Variants in SH2D4A observed in about 807,000 individuals in gnomAD.
SH2D4A encodes the protein SH2 domain containing 4A.
A neutral mutation model predicts 64.7 loss-of-function variants in SH2D4A; 70 were observed. The ratio of observed to expected loss-of-function variants is 1.08; its 90% CI spans 0.89 to 1.32. The LOEUF is 1.32. Among genes scored for constraint, SH2D4A ranks in the 40% most tolerant of loss-of-function variants. The probability of loss-of-function intolerance (pLI) is 0.00; values close to 1 mark genes in which losing one functional copy is unlikely to be tolerated. For missense variants in SH2D4A, 706 were observed against 540.1 expected (o/e 1.31, Z -3.04); for synonymous variants, 268 against 200.7 (o/e 1.34, Z -2.83).
chr8:19,350,602 G>T (rs2052686559), intron 4 of SH2D4A, among the ~76,000 whole-genome samples: 1 of 152,114 alleles, frequency 6.6e-6, no homozygotes, highest in South Asian at 2.1e-4. Flanking sequence ...TCCCACCCTC[G>T]CCTCCCGAGT....
chr8:19,349,833 A>C (rs1227873920), intron 4 of SH2D4A, among the ~76,000 whole-genome samples: 1 of 152,184 alleles, frequency 6.6e-6, no homozygotes, highest in African/African-American at 2.4e-5. Context: ...CCTCCTGAGT[A>C]GCTGGGATTA....
chr8:19,352,672 G>C (rs1046643976), intron 4 of SH2D4A, among the ~76,000 whole-genome samples: 1 of 152,164 alleles, frequency 6.6e-6, no homozygotes, highest in African/African-American at 2.4e-5. Context: ...TTCAGACGTG[G>C]AGATGACATG....
intron 8 of SH2D4A, among the ~76,000 whole-genome samples, chr8:19,382,504 A>G (rs938133688): frequency 1.3e-5 from 2 of 152,190 alleles, no homozygotes; most frequent in Admixed American, 1.3e-4. Flanking sequence ...TTCAACGCTT[A>G]TAAAATAGTC....
chr8:19,361,336 T>C (rs1044742322), intron 6 of SH2D4A, 22 bp downstream of exon 6: 1 of 1,579,450 alleles, frequency 6.3e-7, no homozygotes, highest in Admixed American at 2.0e-5. Flanking sequence ...GAGGTCTCCA[T>C]AGCACCTTCC....
intron 4 of SH2D4A, among the ~76,000 whole-genome samples, chr8:19,340,129 G>T (rs1444037559): frequency 6.6e-6 from 1 of 152,204 alleles, no homozygotes; most frequent in Admixed American, 6.5e-5. Flanking sequence ...AGTTCCAGCT[G>T]AGGAACAGTG....
intron 7 of SH2D4A, 84 bp downstream of exon 7, chr8:19,364,366 G>C: frequency 6.7e-7 from 1 of 1,482,812 alleles, no homozygotes; most frequent in Non-Finnish European, 9.2e-7. Context: ...AATTGTATGA[G>C]CTGCCATGGG....
At chr8:19,366,976 A>G (rs1275164648) in intron 7 of SH2D4A, among the ~76,000 whole-genome samples, 1 of 152,158 alleles carries the variant, frequency 6.6e-6, no homozygotes, top group East Asian at 1.9e-4. Flanking sequence ...GAGGAACTTC[A>G]TACCGTTGTT....
At chr8:19,348,247 T>A (rs546573648) in intron 4 of SH2D4A, among the ~76,000 whole-genome samples, 3 of 152,124 alleles carry the variant, frequency 2.0e-5, no homozygotes, top group African/African-American at 7.2e-5. Flanking sequence ...AGATGCATGC[T>A]CCCATGCCCA....
chr8:19,373,442 G>A, intron 7 of SH2D4A, 88 bp from the exon 8 acceptor site: 1 of 796,352 alleles, frequency 1.3e-6, no homozygotes, highest in Non-Finnish European at 1.7e-6. Context: ...GTATGTGTGT[G>A]TGTATATATA....
chr8:19,358,382 A>G (rs1347273043), intron 5 of SH2D4A, among the ~76,000 whole-genome samples: 2 of 152,162 alleles, frequency 1.3e-5, no homozygotes, highest in African/African-American at 4.8e-5. Context: ...ACAGGTAATC[A>G]CTTATTAAGC....
At chr8:19,392,424 T>C (rs2053507478) in intron 8 of SH2D4A, among the ~76,000 whole-genome samples, 1 of 152,114 alleles carries the variant, frequency 6.6e-6, no homozygotes, top group Non-Finnish European at 1.5e-5. Flanking sequence ...TGTGGGGCTG[T>C]TCTGTGTCTC....
intron 7 of SH2D4A, among the ~76,000 whole-genome samples, chr8:19,369,865 A>G (rs1028810335): frequency 3.3e-5 from 5 of 151,578 alleles, no homozygotes; most frequent in Non-Finnish European, 5.9e-5. Context: ...TGTTGCATCA[A>G]GTTCTTGTTT....
intron 7 of SH2D4A, among the ~76,000 whole-genome samples, chr8:19,368,813 A>G (rs970895944): frequency 6.6e-6 from 1 of 152,026 alleles, no homozygotes; most frequent in African/African-American, 2.4e-5. Context: ...TCCAATTTGG[A>G]TGTGCTTCAT....
At chr8:19,356,397 C>T (rs547260530) in intron 4 of SH2D4A, among the ~76,000 whole-genome samples, 1 of 152,138 alleles carries the variant, frequency 6.6e-6, no homozygotes, top group Non-Finnish European at 1.5e-5. Flanking sequence ...AGAACTCAGA[C>T]ACAAGGCATA....
At chr8:19,314,368 G>T (rs1205802501) in intron 1 of SH2D4A, among the ~76,000 whole-genome samples, 2 of 152,156 alleles carry the variant, frequency 1.3e-5, no homozygotes, top group Admixed American at 1.3e-4. Flanking sequence ...CACGTTCCCC[G>T]CGCACCGGCA....
At chr8:19,331,662 A>G (rs1001879097) in intron 2 of SH2D4A, among the ~76,000 whole-genome samples, 1 of 152,224 alleles carries the variant, frequency 6.6e-6, no homozygotes, top group East Asian at 1.9e-4. Flanking sequence ...CAGCCATATA[A>G]GTAAATAATA....
At chr8:19,339,240 A>C (rs2117224564) in intron 4 of SH2D4A, among the ~76,000 whole-genome samples, 1 of 152,300 alleles carries the variant, frequency 6.6e-6, no homozygotes, top group South Asian at 2.1e-4. Context: ...TTCTAGCCAC[A>C]CTGGCAGCTA....
At chr8:19,390,381 C>T (rs780592914) in intron 8 of SH2D4A, among the ~76,000 whole-genome samples, 2 of 152,024 alleles carry the variant, frequency 1.3e-5, no homozygotes, top group Admixed American at 1.3e-4. Context: ...AAAAAGAAAA[C>T]GTGGAATAAG....
chr8:19,375,055 G>C (rs2153650270), intron 8 of SH2D4A: 1 of 152,260 alleles, frequency 6.6e-6, no homozygotes, highest in Non-Finnish European at 1.5e-5. Flanking sequence ...AGTTCTGTTT[G>C]AAAGGCTGAA....
Sources: allele counts gnomAD v4.1 joint callset (sites outside exome capture counted in the v4.1 genomes callset), GRCh38; gene constraint gnomAD v4.1.1; transcripts MANE v1.5; gene names NCBI Gene and HGNC (gene_info 2026-07-23, HGNC 2026-07-21).